Variants in CEP63 observed in about 807,000 individuals in gnomAD.
CEP63 encodes centrosomal protein of 63 kDa.
CEP63 carries 84 observed loss-of-function variants against 89.1 expected under a neutral mutation model. That is an observed-to-expected ratio of 0.94 (90% confidence interval 0.79 to 1.13). CEP63 has a LOEUF of 1.13. Ranked by LOEUF, CEP63 falls within the 50% of genes most tolerant of loss-of-function variation. The pLI, the probability that CEP63 is intolerant of heterozygous loss-of-function variation, is 0.00. For synonymous variants in CEP63, 267 were observed against 272.5 expected (o/e 0.98, Z 0.20); for missense variants, 838 against 813.3 (o/e 1.03, Z -0.37).
chr3:134,758,381 A>G, the CEP63 span, among the ~76,000 whole-genome samples: 34 of 152,230 alleles, frequency 2.2e-4, no homozygotes, highest in Non-Finnish European at 1.2e-4. Context: ...TGGCACAAAG[A>G]CAGCCCTTAG....
downstream of CEP63, among the ~76,000 whole-genome samples, chr3:134,578,581 T>C (rs1958273417): frequency 6.6e-6 from 1 of 152,118 alleles, no homozygotes; most frequent in Non-Finnish European, 1.5e-5. Flanking sequence ...CTGCCCACCT[T>C]GGCCTCCCAA....
the CEP63 span, among the ~76,000 whole-genome samples, chr3:134,709,288 T>C: frequency 2.7e-4 from 41 of 152,174 alleles, no homozygotes; most frequent in Admixed American, 2.6e-4. Context: ...TTCCAGAGTA[T>C]TGGACATTGC....
chr3:134,650,612 T>C, the CEP63 span, among the ~76,000 whole-genome samples: 1 of 152,140 alleles, frequency 6.6e-6, no homozygotes, highest in Non-Finnish European at 1.5e-5. Context: ...GGAGTGAAAC[T>C]GGGGCAATCA....
the CEP63 span, among the ~76,000 whole-genome samples, chr3:134,618,958 A>G: frequency 6.6e-6 from 1 of 152,214 alleles, no homozygotes; most frequent in Admixed American, 6.5e-5. Context: ...GAAGCCCGGC[A>G]GATGGTACAA....
chr3:134,715,465 G>T, the CEP63 span, among the ~76,000 whole-genome samples: 1 of 151,774 alleles, frequency 6.6e-6, no homozygotes, highest in African/African-American at 2.4e-5. Context: ...CTGCGCACTT[G>T]CACATGCAGG....
At chr3:134,503,122 T>G (rs1164160671) in intron 2 of CEP63, among the ~76,000 whole-genome samples, 1 of 135,156 alleles carries the variant, frequency 7.4e-6, no homozygotes, top group Non-Finnish European at 1.6e-5. Context: ...TTTTTTTTTG[T>G]CTTTGTGCTG....
the CEP63 span, among the ~76,000 whole-genome samples, chr3:134,745,246 A>G: frequency 6.6e-6 from 1 of 152,178 alleles, no homozygotes; most frequent in African/African-American, 2.4e-5. Context: ...CAATGTCCCA[A>G]GTACTATTGT....
intron 6 of CEP63, among the ~76,000 whole-genome samples, chr3:134,543,228 A>G (rs1163864918): frequency 6.6e-6 from 1 of 152,196 alleles, no homozygotes; most frequent in African/African-American, 2.4e-5. Flanking sequence ...CATTTTTTTA[A>G]TGAGTCTTTG....
the CEP63 span, among the ~76,000 whole-genome samples, chr3:134,680,930 C>T: frequency 6.6e-6 from 1 of 152,216 alleles, no homozygotes; most frequent in Non-Finnish European, 1.5e-5. Flanking sequence ...TTAATTCTTG[C>T]CTCCTGCCCT....
the CEP63 span, among the ~76,000 whole-genome samples, chr3:134,730,455 C>T: frequency 6.6e-6 from 1 of 152,046 alleles, no homozygotes; most frequent in African/African-American, 2.4e-5. Flanking sequence ...ATATATTAAA[C>T]TATCTCCAAA....
chr3:134,681,732 G>T, the CEP63 span, among the ~76,000 whole-genome samples: 2 of 152,216 alleles, frequency 1.3e-5, no homozygotes, highest in Non-Finnish European at 2.9e-5. Flanking sequence ...CCAAGAGGAG[G>T]AAAGAAGTTC....
chr3:134,513,630 T>A (rs139786867), intron 3 of CEP63, among the ~76,000 whole-genome samples: 6 of 152,168 alleles, frequency 3.9e-5, no homozygotes, highest in Non-Finnish European at 2.9e-5. Context: ...GGATAAAAGG[T>A]TGAGTGGTGT....
the CEP63 span, among the ~76,000 whole-genome samples, chr3:134,664,824 T>G: frequency 6.6e-6 from 1 of 152,184 alleles, no homozygotes; most frequent in Admixed American, 6.5e-5. Context: ...TGCCTGAAGC[T>G]GCTGCTCTGA....
At chr3:134,627,768 T>TC in the CEP63 span, 1 of 1,613,856 alleles carries the variant, frequency 6.2e-7, no homozygotes, top group Non-Finnish European at 8.5e-7. Context: ...TGGGCATCTT[T>TC]CCCTCCAGGT....
At chr3:134,671,827 G>A in the CEP63 span, among the ~76,000 whole-genome samples, 1 of 152,124 alleles carries the variant, frequency 6.6e-6, no homozygotes, top group Non-Finnish European at 1.5e-5. Context: ...CATGGCTTTT[G>A]GGACATTTTA....
intron 1 of CEP63, 158 bp downstream of exon 1, chr3:134,486,360 G>T: frequency 1.0e-6 from 1 of 985,656 alleles, no homozygotes; most frequent in Non-Finnish European, 1.2e-6. Flanking sequence ...GCCGGTTTGC[G>T]CAACGGCCTG....
chr3:134,517,608 G>A (rs1338199748), intron 3 of CEP63, among the ~76,000 whole-genome samples: 3 of 152,138 alleles, frequency 2.0e-5, no homozygotes, highest in African/African-American at 7.2e-5. Context: ...AAAGCTTGAC[G>A]TCACAGGTGT....
At chr3:134,579,832 C>T (rs1958301837), downstream of CEP63, among the ~76,000 whole-genome samples, 6 of 152,108 alleles carry the variant, frequency 3.9e-5, no homozygotes, top group South Asian at 1.2e-3. Flanking sequence ...AATAGTATAT[C>T]CATGCAAATA....
intron 1 of CEP63, among the ~76,000 whole-genome samples, chr3:134,491,095 CGTT>C (rs1937461135): frequency 6.6e-6 from 1 of 152,158 alleles, no homozygotes; most frequent in African/African-American, 2.4e-5. Flanking sequence ...TTAAAAGTAG[CGTT>C]GTTGGATAAA....
Sources: gnomAD v4.1 joint callset for allele counts (sites outside exome capture counted in the v4.1 genomes callset) on GRCh38, gnomAD v4.1.1 for gene constraint, MANE v1.5 for transcripts, NCBI Gene and HGNC (gene_info 2026-07-23, HGNC 2026-07-21) for gene names.